The following RPS6KC1 variants were observed in gnomAD, a reference collection of about 807,000 sequenced individuals.
RPS6KC1 encodes inactive ribosomal protein S6 kinase delta-1.
A neutral mutation model predicts 103.8 loss-of-function variants in RPS6KC1; 54 were observed. That is an observed-to-expected ratio of 0.52 (90% confidence interval 0.42 to 0.65). The LOEUF (loss-of-function observed/expected upper bound fraction) is 0.65. RPS6KC1 is among the 30% of genes least tolerant of loss of function. The pLI, the probability that RPS6KC1 is intolerant of heterozygous loss-of-function variation, is 0.00. For synonymous variants in RPS6KC1, 439 were observed against 438.7 expected, an observed-to-expected ratio of 1.00 and a Z score of -0.01; for missense variants, 1,151 against 1,253.8, an observed-to-expected ratio of 0.92 and a Z score of 1.24.
At chr1:213,090,102 G>A (rs751657178) in intron 3 of RPS6KC1, among the ~76,000 whole-genome samples, 1 of 152,164 alleles carries the variant, frequency 6.6e-6, no homozygotes, top group Non-Finnish European at 1.5e-5. Context: ...AGGATCCAGA[G>A]TTGAGAAAGA....
the RPS6KC1 span, among the ~76,000 whole-genome samples, chr1:213,391,005 A>G: frequency 6.6e-6 from 1 of 151,620 alleles, no homozygotes; most frequent in Non-Finnish European, 1.5e-5. Context: ...ATATGATTCT[A>G]GTTTTTTTTC....
chr1:213,532,587 A>G, the RPS6KC1 span, among the ~76,000 whole-genome samples: 1 of 152,240 alleles, frequency 6.6e-6, no homozygotes, highest in African/African-American at 2.4e-5. Flanking sequence ...ACTGCACCCC[A>G]GCTATGCTAA....
At chr1:213,851,218 CT>C in the RPS6KC1 span, among the ~76,000 whole-genome samples, 1,244 of 152,242 alleles carry the variant, frequency 8.2e-3, 20 homozygotes, top group African/African-American at 0.028. Flanking sequence ...ACACCCTTCC[CT>C]ACAGTTTCAT....
intron 14 of RPS6KC1, among the ~76,000 whole-genome samples, chr1:213,269,137 T>C (rs2094981255): frequency 6.6e-6 from 1 of 152,170 alleles, no homozygotes; most frequent in South Asian, 2.1e-4. Flanking sequence ...GGATAAACCA[T>C]ACTAACAGTA....
intron 3 of RPS6KC1, among the ~76,000 whole-genome samples, chr1:213,093,759 T>C (rs2081198354): frequency 6.6e-6 from 1 of 152,192 alleles, no homozygotes; most frequent in Admixed American, 6.5e-5. Context: ...GGATAATACC[T>C]TACTGTTCTA....
At chr1:213,758,437 G>A in the RPS6KC1 span, among the ~76,000 whole-genome samples, 1 of 152,102 alleles carries the variant, frequency 6.6e-6, no homozygotes, top group East Asian at 1.9e-4. Context: ...AATTAGCTGG[G>A]TATGGTGGTG....
intron 2 of RPS6KC1, among the ~76,000 whole-genome samples, chr1:213,076,633 A>G (rs1423100395): frequency 1.3e-5 from 2 of 151,768 alleles, no homozygotes; most frequent in East Asian, 3.9e-4. Context: ...TTTTTTAGAT[A>G]TAATCTGAGT....
At chr1:213,848,977 T>C in the RPS6KC1 span, among the ~76,000 whole-genome samples, 1 of 152,032 alleles carries the variant, frequency 6.6e-6, no homozygotes, top group Admixed American at 6.6e-5. Flanking sequence ...AGATGGCATG[T>C]CATTACTGGG....
chr1:213,420,788 C>T, the RPS6KC1 span, among the ~76,000 whole-genome samples: 1 of 152,172 alleles, frequency 6.6e-6, no homozygotes, highest in African/African-American at 2.4e-5. Flanking sequence ...TTTACTCTCA[C>T]ACTTCCGGAG....
the RPS6KC1 span, among the ~76,000 whole-genome samples, chr1:213,862,163 A>G: frequency 1.3e-5 from 2 of 152,192 alleles, no homozygotes; most frequent in Non-Finnish European, 2.9e-5. Context: ...TGCACATGCT[A>G]CGTAGTCCTA....
intron 14 of RPS6KC1, among the ~76,000 whole-genome samples, chr1:213,265,751 T>C (rs2094897219): frequency 1.3e-5 from 2 of 152,226 alleles, no homozygotes; most frequent in South Asian, 4.1e-4. Context: ...ACTGTTAGTA[T>C]AGTCTTTTGA....
chr1:213,632,866 G>T, the RPS6KC1 span, among the ~76,000 whole-genome samples: 1 of 152,314 alleles, frequency 6.6e-6, no homozygotes, highest in African/African-American at 2.4e-5. Flanking sequence ...ACCTGATGGA[G>T]CTGAAAACCA....
intron 1 of RPS6KC1, 57 bp downstream of exon 1, chr1:213,051,566 T>G (rs1572194602): frequency 7.8e-7 from 1 of 1,280,192 alleles, no homozygotes; most frequent in Non-Finnish European, 1.1e-6. Flanking sequence ...GGATCTGGGG[T>G]GGGGACCCTG....
downstream of RPS6KC1, among the ~76,000 whole-genome samples, chr1:213,278,215 A>AAAT: frequency 6.6e-6 from 1 of 152,080 alleles, no homozygotes; most frequent in Non-Finnish European, 1.5e-5. Flanking sequence ...AAAAAAAAAA[A>AAAT]AAATCTTCCT....
chr1:213,328,504 C>CTATATATATATATATA, the RPS6KC1 span, among the ~76,000 whole-genome samples: 75 of 101,436 alleles, frequency 7.4e-4, no homozygotes, highest in East Asian at 2.1e-3. Flanking sequence ...AGCCATTATA[C>CTATATATATATATATA]TATATATATA....
At chr1:213,463,942 G>A in the RPS6KC1 span, among the ~76,000 whole-genome samples, 5 of 152,130 alleles carry the variant, frequency 3.3e-5, no homozygotes, top group African/African-American at 9.7e-5. Context: ...TTATAAATGC[G>A]TGTTGATTTG....
At chr1:213,410,725 G>A in the RPS6KC1 span, among the ~76,000 whole-genome samples, 1 of 152,288 alleles carries the variant, frequency 6.6e-6, no homozygotes, top group Non-Finnish European at 1.5e-5. Context: ...GTGATTGAAG[G>A]GGTGGACTGT....
At chr1:213,088,471 T>G (rs1389171909) in intron 3 of RPS6KC1, among the ~76,000 whole-genome samples, 1 of 152,050 alleles carries the variant, frequency 6.6e-6, no homozygotes, top group African/African-American at 2.4e-5. Flanking sequence ...CAAGCGATTC[T>G]CCGGCTTCAG....
the RPS6KC1 span, among the ~76,000 whole-genome samples, chr1:213,642,380 T>C: frequency 1.3e-5 from 2 of 152,168 alleles, no homozygotes; most frequent in Non-Finnish European, 2.9e-5. Flanking sequence ...TCTTACTTTG[T>C]TTTAAAAAGT....
Sources: gnomAD v4.1 joint callset for allele counts (sites outside exome capture counted in the v4.1 genomes callset) on GRCh38, gnomAD v4.1.1 for gene constraint, MANE v1.5 for transcripts, NCBI Gene and HGNC (gene_info 2026-07-23, HGNC 2026-07-21) for gene names.